DOCK9: variants seen among roughly 807,000 people sequenced by gnomAD.
The protein encoded by DOCK9 is dedicator of cytokinesis 9.
In DOCK9, 89 loss-of-function variants were observed where a neutral mutation model predicts 263.3. The ratio of observed to expected loss-of-function variants is 0.34; its 90% CI spans 0.28 to 0.40. DOCK9 has a LOEUF of 0.40. DOCK9 is among the 10% of genes least tolerant of loss of function. The pLI is 1.00. For missense variants in DOCK9, 2,140 were observed against 2,603.4 expected, an observed-to-expected ratio of 0.82 and a Z score of 3.87; for synonymous variants, 976 against 973.1, an observed-to-expected ratio of 1.00 and a Z score of -0.06.
intron 39 of DOCK9, chr13:98,834,295 CCAGT>C (rs1230853960): frequency 2.0e-4 from 31 of 152,254 alleles, no homozygotes; most frequent in African/African-American, 6.0e-4. Flanking sequence ...CAAACTCTTC[CCAGT>C]CAGACAGTTT....
chr13:98,825,877 C>A lies in DOCK9; in HGVS notation c.5023+953G>T, dbSNP rs771873585. 1.3e-6 allele frequency: 2 copies of A among 1,535,888 alleles called. No homozygotes were observed. Among genetic ancestry groups the A allele is most frequent in the Non-Finnish European group, 1.8e-6 (2 of 1,138,764 alleles). ...GGGCTGATCCTCAGGCTCACCTCCC[C>A]GGCTCCTCCTCAGGCAGGCGCTATG... On this transcript the variant is annotated intron_variant, in intron 44 of 52. Coordinates refer to ENST00000682017, the MANE Select transcript of DOCK9 (RefSeq NM_001366683.2). The surrounding 1 kb of genome is among the most constrained non-coding windows in gnomAD (Gnocchi z 4.1).
intron 1 of DOCK9, among the ~76,000 whole-genome samples, chr13:99,020,255 G>A (rs1377853309): frequency 6.6e-6 from 1 of 152,172 alleles, no homozygotes; most frequent in Non-Finnish European, 1.5e-5. Context: ...CTTCACAAAG[G>A]ATTTACTGTG....
intron 1 of DOCK9, among the ~76,000 whole-genome samples, chr13:98,969,622 C>T (rs1452180244): frequency 1.3e-5 from 2 of 152,172 alleles, no homozygotes; most frequent in Admixed American, 1.3e-4. Context: ...GCTGGAACAA[C>T]GACGCCATGA....
chr13:99,017,234 C>T (rs552011950), intron 1 of DOCK9, among the ~76,000 whole-genome samples: 1 of 152,220 alleles, frequency 6.6e-6, no homozygotes, highest in South Asian at 2.1e-4. Flanking sequence ...AATCTTCATG[C>T]GAAATCACAA....
chr13:98,915,244 A>C, intron 8 of DOCK9, 85 bp downstream of exon 8: 1 of 1,360,978 alleles, frequency 7.3e-7, no homozygotes, highest in East Asian at 2.3e-5. Flanking sequence ...CTTGTGTAAC[A>C]CAGGTCTCCT....
chr13:98,863,012 T>G lies in DOCK9; in HGVS notation c.3579+7A>C, dbSNP rs2141946631. On this transcript the variant is annotated splice_region_variant and intron_variant, in intron 32 of 52. Transcript: ENST00000682017. ...TAGGCTGAGTTAATGTGACCATGCTTACGTACCATGCCCGCGTTCACAGGG... is the reference window on the plus strand; with the variant it reads ...TAGGCTGAGTTAATGTGACCATGCTGACGTACCATGCCCGCGTTCACAGGG... 2 of 1,596,440 alleles carry G rather than the reference T, an allele frequency of 1.3e-6. No homozygotes were observed. Among genetic ancestry groups the G allele is most frequent in the Non-Finnish European group, 1.7e-6 (2 of 1,171,024 alleles).
chr13:98,999,287 C>T (rs1486830938), intron 1 of DOCK9, among the ~76,000 whole-genome samples: 12 of 80,078 alleles, frequency 1.5e-4, no homozygotes, highest in Admixed American at 7.2e-4. Flanking sequence ...CACGCATGCA[C>T]GCGCACACAC....
chr13:99,070,445 C>T (rs1195535720), intron 1 of DOCK9, among the ~76,000 whole-genome samples: 2 of 152,280 alleles, frequency 1.3e-5, no homozygotes, highest in East Asian at 1.9e-4. Context: ...CGCATTTCTG[C>T]TTACTGCGTT....
chr13:98,844,844 TAA>T (rs1177808179), intron 38 of DOCK9, among the ~76,000 whole-genome samples: 1 of 152,198 alleles, frequency 6.6e-6, no homozygotes, highest in African/African-American at 2.4e-5. Flanking sequence ...GCCTGTATTT[TAA>T]AAAGAGGTGT....
intron 29 of DOCK9, among the ~76,000 whole-genome samples, 195 bp downstream of exon 29, chr13:98,867,733 C>T (rs1208766863): frequency 6.6e-6 from 1 of 151,972 alleles, no homozygotes; most frequent in African/African-American, 2.4e-5. Context: ...TTTCAATAAA[C>T]AATGTCTTCA....
At chr13:98,910,200 C>G (rs1415749704) in intron 9 of DOCK9, among the ~76,000 whole-genome samples, 1 of 152,134 alleles carries the variant, frequency 6.6e-6, no homozygotes, top group Non-Finnish European at 1.5e-5. Flanking sequence ...TATTAAATAA[C>G]TAGTAATGAA....
At chr13:98,979,223 TAGTAGTAGC>T (rs1345482356), upstream of DOCK9, among the ~76,000 whole-genome samples, 179 of 122,816 alleles carry the variant, frequency 1.5e-3, no homozygotes, top group African/African-American at 5.2e-3. Flanking sequence ...GTAGTAGTAG[TAGTAGTAGC>T]AGCAGCGGCG....
intron 30 of DOCK9, among the ~76,000 whole-genome samples, chr13:98,865,910 G>T (rs961943978): frequency 3.3e-5 from 5 of 151,974 alleles, no homozygotes; most frequent in African/African-American, 1.2e-4. Context: ...GAGGTGGAGG[G>T]GTGGCATGAT....
At chr13:98,930,084 T>C (rs2053659430) in intron 3 of DOCK9, 84 bp downstream of exon 3, 1 of 1,257,880 alleles carries the variant, frequency 7.9e-7, no homozygotes, top group Non-Finnish European at 1.1e-6. Flanking sequence ...TGACACTTCC[T>C]TGACAATTTT....
intron 49 of DOCK9, 111 bp from the exon 50 acceptor site, chr13:98,800,589 T>A (rs1203602556): frequency 3.1e-6 from 4 of 1,302,684 alleles, no homozygotes; most frequent in Admixed American, 2.7e-5. Flanking sequence ...CTTACATTTT[T>A]AAAATAAGGA....
At chr13:98,966,654 C>G (rs2059226124) in intron 1 of DOCK9, among the ~76,000 whole-genome samples, 1 of 152,160 alleles carries the variant, frequency 6.6e-6, no homozygotes, top group Admixed American at 6.5e-5. Context: ...GATTTCAAAA[C>G]AATGTACTTT....
intron 1 of DOCK9, among the ~76,000 whole-genome samples, chr13:99,082,420 G>A (rs2042158435): frequency 6.6e-6 from 1 of 150,822 alleles, no homozygotes; most frequent in South Asian, 2.1e-4. Context: ...TCAGGAGGCT[G>A]AGGCAGGAGA....
At chr13:98,874,519 G>C (rs954672822) in intron 27 of DOCK9, among the ~76,000 whole-genome samples, 6 of 152,198 alleles carry the variant, frequency 3.9e-5, no homozygotes, top group Admixed American at 3.9e-4. Context: ...ACGTGGAACT[G>C]CAGGGTTGAA....
intron 13 of DOCK9, among the ~76,000 whole-genome samples, chr13:98,899,496 C>G (rs990001209): frequency 6.6e-6 from 1 of 152,300 alleles, no homozygotes. Context: ...CTGGAAAATA[C>G]ATCCTAATTG....
Sources: gnomAD v4.1 joint callset for allele counts (sites outside exome capture counted in the v4.1 genomes callset) on GRCh38, gnomAD v4.1.1 for gene constraint, Gnocchi (gnomAD v3.1) non-coding constraint, MANE v1.5 for transcripts, NCBI Gene and HGNC (gene_info 2026-07-23, HGNC 2026-07-21) for gene names.